Variants in CAMTA1 observed in about 807,000 individuals in gnomAD.
The protein encoded by CAMTA1 is calmodulin binding transcription activator 1, also known as calmodulin-binding transcription activator 1.
CAMTA1 carries 27 observed loss-of-function variants against 170.9 expected under a neutral mutation model. The observed-to-expected ratio is 0.16, with a 90% confidence interval of 0.12 to 0.22. The LOEUF (loss-of-function observed/expected upper bound fraction) is 0.22, where lower values mean the gene tolerates loss of function less well. CAMTA1 is among the 10% of genes least tolerant of loss of function. The pLI is 1.00. For synonymous variants in CAMTA1, 833 were observed against 891.5 expected, an observed-to-expected ratio of 0.93 and a Z score of 1.17; for missense variants, 1,619 against 2,217.2, an observed-to-expected ratio of 0.73 and a Z score of 5.42.
chr1:7,023,655 G>A (rs1224758946), intron 3 of CAMTA1, among the ~76,000 whole-genome samples: 3 of 152,048 alleles, frequency 2.0e-5, no homozygotes, highest in African/African-American at 7.2e-5. Context: ...TGTAATAATT[G>A]CAATGAAAAC....
At position 7,358,547 on chromosome 1, in the gene CAMTA1, G is replaced by A. The variant is rs561616887; in HGVS notation, c.438+108921G>A. On this transcript the variant is annotated intron_variant, in intron 5 of 22. Transcript: ENST00000303635. ...CCTCCAGCGTCCCTGCATGCCCCGCGCCACCCCTGCCCCGGGCAGCCCCGG... is the reference window on the plus strand; with the variant it reads ...CCTCCAGCGTCCCTGCATGCCCCGCACCACCCCTGCCCCGGGCAGCCCCGG... 1.3e-4 allele frequency among the ~76,000 whole-genome samples: 19 copies of A among 143,294 alleles called. No homozygotes were observed. In the South Asian group the frequency reaches 3.9e-3, roughly 29 times the overall value. The allele number at this position is 143,294 out of a possible 152,430, so 94.0% of individuals were successfully genotyped here. A position where few individuals can be genotyped will look rare whatever the true frequency, so the allele number is the denominator to read the frequency against.
intron 5 of CAMTA1, among the ~76,000 whole-genome samples, chr1:7,386,404 AGTCATCCCTG>A (rs1235142419): frequency 3.3e-5 from 5 of 152,184 alleles, no homozygotes; most frequent in Admixed American, 3.3e-4. Context: ...GTAGCCACTC[AGTCATCCCTG>A]CCAAGGATGG....
chr1:7,031,831 A>G (rs1010018960), intron 3 of CAMTA1, among the ~76,000 whole-genome samples: 24 of 152,080 alleles, frequency 1.6e-4, no homozygotes, highest in African/African-American at 3.9e-4. Flanking sequence ...ATGAGTCACC[A>G]CGCCCAGCCA....
chr1:7,246,968 C>T (rs770512077), intron 4 of CAMTA1, among the ~76,000 whole-genome samples: 5 of 152,220 alleles, frequency 3.3e-5, no homozygotes, highest in South Asian at 4.1e-4. Flanking sequence ...TTTTCTGGGA[C>T]GGCAGTACGG....
intron 11 of CAMTA1, among the ~76,000 whole-genome samples, chr1:7,703,510 C>T (rs2096465266): frequency 6.6e-6 from 1 of 152,128 alleles, no homozygotes; most frequent in Non-Finnish European, 1.5e-5. Flanking sequence ...CTTCACGCGG[C>T]CTCTAACCAG....
At chr1:6,968,514 G>A (rs1027356838) in intron 3 of CAMTA1, among the ~76,000 whole-genome samples, 1 of 152,166 alleles carries the variant, frequency 6.6e-6, no homozygotes, top group Non-Finnish European at 1.5e-5. Context: ...TGCGTGCCAG[G>A]TGCTGTGCTG....
At position 7,365,017 on chromosome 1, in the gene CAMTA1, A is replaced by C. The variant is rs890650974; in HGVS notation, c.439-102813A>C. Among the ~76,000 whole-genome samples the C allele has an allele frequency of 3.9e-5, 6 of 152,252 alleles. No individual in the cohort carries two copies. In the East Asian group the frequency reaches 1.2e-3, roughly 29 times the overall value. Reference sequence around the variant, plus strand: ...GGCTGGTGATGAAGGACTGAGAGTCATCCCAGAGAGTGCAGAACACCTCCC... The same window carrying C: ...GGCTGGTGATGAAGGACTGAGAGTCCTCCCAGAGAGTGCAGAACACCTCCC... On this transcript the variant is annotated intron_variant, in intron 5 of 22. Coordinates refer to ENST00000303635, the MANE Select transcript of CAMTA1 (RefSeq NM_015215.4).
At chr1:7,668,263 C>T (rs1359277999) in intron 9 of CAMTA1, among the ~76,000 whole-genome samples, 1 of 152,176 alleles carries the variant, frequency 6.6e-6, no homozygotes, top group Non-Finnish European at 1.5e-5. Flanking sequence ...ATGCATCTAC[C>T]TAGCAGGAAT....
In CAMTA1 at chr1:7,482,054, A is replaced by G. The variant is rs768897746; in HGVS notation, c.510+14153A>G. Among the ~76,000 whole-genome samples, 72 of 151,978 alleles carry G rather than the reference A, an allele frequency of 4.7e-4. No homozygotes were observed. Among genetic ancestry groups the G allele is most frequent in the Non-Finnish European group, 5.6e-4 (38 of 67,976 alleles). ...ATAGGTTCATTTTTTCTGTTCTAGAACTTCGTAGAACTGGAATCCTGCAGT... is the reference window on the plus strand; with the variant it reads ...ATAGGTTCATTTTTTCTGTTCTAGAGCTTCGTAGAACTGGAATCCTGCAGT... On this transcript the variant is annotated intron_variant, in intron 6 of 22. Transcript: ENST00000303635. This position sits in a 1 kb window ranked among gnomAD's most constrained non-coding sequence, Gnocchi z 4.2.
chr1:6,818,218 T>G (rs545727100), intron 1 of CAMTA1, among the ~76,000 whole-genome samples: 1 of 152,250 alleles, frequency 6.6e-6, no homozygotes, highest in South Asian at 2.1e-4. Flanking sequence ...ACACCTGTGA[T>G]CCCAGCTACT....
At position 7,044,806 on chromosome 1, in the gene CAMTA1, C is replaced by T. The variant is rs926864173; in HGVS notation, c.235-46498C>T. 6.6e-6 allele frequency among the ~76,000 whole-genome samples: 1 copy of T among 151,166 alleles called. No individual in the cohort carries two copies. Among genetic ancestry groups the T allele is most frequent in the Admixed American group, 6.6e-5 (1 of 15,172 alleles). On this transcript the variant is annotated intron_variant, in intron 3 of 22. Coordinates refer to ENST00000303635, the MANE Select transcript of CAMTA1 (RefSeq NM_015215.4). The surrounding 1 kb of genome is among the most constrained non-coding windows in gnomAD (Gnocchi z 5.0). ...ATCTTTCCCCCTCACGTCCTCTCCC[C>T]CACTCCCTCCTCTTCCCGCCTGTGG...
intron 4 of CAMTA1, among the ~76,000 whole-genome samples, chr1:7,149,519 G>A (rs567112953): frequency 1.4e-4 from 21 of 152,336 alleles, no homozygotes; most frequent in South Asian, 6.2e-4. Context: ...GTGTGGCCGC[G>A]GGTCAGGTGC....
chr1:7,091,196 C>T (rs1641424127), intron 3 of CAMTA1, 108 bp from the exon 4 acceptor site: 1 of 759,968 alleles, frequency 1.3e-6, no homozygotes, highest in Non-Finnish European at 2.3e-6. Flanking sequence ...GATGGAGTTC[C>T]AGGCTCGCAA....
intron 5 of CAMTA1, among the ~76,000 whole-genome samples, chr1:7,406,055 A>G (rs537507055): frequency 6.1e-4 from 93 of 152,346 alleles, no homozygotes; most frequent in African/African-American, 2.2e-3. Context: ...ATGGTGAGGA[A>G]CAGGGGTCCC....
At chr1:7,399,446 G>A (rs1027262635) in intron 5 of CAMTA1, among the ~76,000 whole-genome samples, 2 of 152,122 alleles carry the variant, frequency 1.3e-5, no homozygotes, top group African/African-American at 4.8e-5. Context: ...CCCAGCCTCA[G>A]GTATTCCTTT....
At chr1:6,953,912 C>T (rs559218228) in intron 3 of CAMTA1, among the ~76,000 whole-genome samples, 16 of 152,302 alleles carry the variant, frequency 1.1e-4, no homozygotes, top group African/African-American at 2.9e-4. Flanking sequence ...TCTTTCAGCA[C>T]TGAGCAGGCT....
At chr1:7,087,566 A>G (rs750300888) in intron 3 of CAMTA1, among the ~76,000 whole-genome samples, 2 of 152,226 alleles carry the variant, frequency 1.3e-5, no homozygotes, top group Non-Finnish European at 2.9e-5. Flanking sequence ...CCCTTCTGAA[A>G]TTCAGAGCAG....
intron 16 of CAMTA1, among the ~76,000 whole-genome samples, chr1:7,741,787 C>T (rs181028730): frequency 2.0e-3 from 299 of 151,796 alleles, no homozygotes; most frequent in African/African-American, 6.7e-3. Flanking sequence ...CCCAGCTACT[C>T]GGGAGGCTGA....
At chr1:7,579,552 C>CTTTCTTTCTTTTTTTTTTT (rs1436192966) in intron 6 of CAMTA1, among the ~76,000 whole-genome samples, 8 of 79,202 alleles carry the variant, frequency 1.0e-4, no homozygotes, top group African/African-American at 4.7e-4. Flanking sequence ...CTTTTCTTTT[C>CTTTCTTTCTTTTTTTTTTT]TTTTTTTTTT....
Sources: allele counts gnomAD v4.1 joint callset (sites outside exome capture counted in the v4.1 genomes callset), GRCh38; gene constraint gnomAD v4.1.1; non-coding constraint Gnocchi (gnomAD v3.1); transcripts MANE v1.5; gene names NCBI Gene and HGNC (gene_info 2026-07-23, HGNC 2026-07-21).